MED12L: variants seen among roughly 807,000 people sequenced by gnomAD.
The protein encoded by MED12L is mediator complex subunit 12L, also known as mediator of RNA polymerase II transcription subunit 12-like protein.
A neutral mutation model predicts 281.3 loss-of-function variants in MED12L; 60 were observed. That is an observed-to-expected ratio of 0.21 (90% CI 0.17 to 0.26). MED12L has a LOEUF of 0.26. MED12L is among the 10% of genes least tolerant of loss of function. The probability of loss-of-function intolerance (pLI) is 1.00; values close to 1 mark genes in which losing one functional copy is unlikely to be tolerated. For synonymous variants in MED12L, 974 were observed against 987.2 expected, an observed-to-expected ratio of 0.99 and a Z score of 0.25; for missense variants, 2,146 against 2,680.9, an observed-to-expected ratio of 0.80 and a Z score of 4.41.
At chr3:151,231,735 A>G (rs1453281808) in intron 16 of MED12L, among the ~76,000 whole-genome samples, 1 of 152,214 alleles carries the variant, frequency 6.6e-6, no homozygotes, top group African/African-American at 2.4e-5. Context: ...AGACAGTTGT[A>G]TAACTCTGAA....
intron 16 of MED12L, among the ~76,000 whole-genome samples, chr3:151,348,298 CT>C: frequency 2.0e-5 from 3 of 148,582 alleles, no homozygotes; most frequent in Middle Eastern, 7.1e-3. Context: ...TAGTGCCCCC[CT>C]GTTTCCTTCC....
chr3:151,100,891 A>G (rs1454829887), intron 2 of MED12L, among the ~76,000 whole-genome samples: 1 of 152,224 alleles, frequency 6.6e-6, no homozygotes, highest in Admixed American at 6.5e-5. Flanking sequence ...AAGAAATAGA[A>G]GCCTCCTATC....
At chr3:151,095,727 CT>C (rs967807394) in intron 2 of MED12L, among the ~76,000 whole-genome samples, 11 of 152,046 alleles carry the variant, frequency 7.2e-5, no homozygotes, top group African/African-American at 2.2e-4. Flanking sequence ...TCACTAAAAA[CT>C]TTTTTTTCTT....
chr3:151,338,786 G>A lies in MED12L; in HGVS notation c.2251-11273G>A, dbSNP rs755282106. ...GGAAGAGGACCTGGGTGATTTTGTA[G>A]TCTCTGGTGCACAGACTGGTGTTAC... On this transcript the variant is annotated intron_variant, in intron 16 of 44. Coordinates refer to ENST00000687756, the MANE Select transcript of MED12L (RefSeq NM_001393769.1). 4.3e-6 allele frequency: 7 copies of A among 1,613,952 alleles called. No homozygotes were observed. The South Asian group carries it at 7.7e-5, about 18-fold the overall frequency.
At chr3:151,177,385 C>T (rs987115367) in intron 11 of MED12L, among the ~76,000 whole-genome samples, 10 of 152,198 alleles carry the variant, frequency 6.6e-5, no homozygotes, top group Non-Finnish European at 1.5e-4. Context: ...TTTTCTAGTT[C>T]TGTGCCCATG....
chr3:151,154,117 A>C (rs147490144), intron 5 of MED12L, among the ~76,000 whole-genome samples: 1 of 152,192 alleles, frequency 6.6e-6, no homozygotes, highest in Non-Finnish European at 1.5e-5. Flanking sequence ...TAAGGAGTAC[A>C]GTACTAGTCA....
At chr3:151,122,996 G>C (rs1713986729) in intron 4 of MED12L, 22 bp downstream of exon 4, 2 of 1,554,982 alleles carry the variant, frequency 1.3e-6, no homozygotes, top group Non-Finnish European at 1.8e-6. Flanking sequence ...TTCTTACATT[G>C]TTTTAGTTAT....
intron 16 of MED12L, among the ~76,000 whole-genome samples, chr3:151,312,517 G>C (rs1477407298): frequency 6.6e-6 from 1 of 152,056 alleles, no homozygotes; most frequent in East Asian, 1.9e-4. Context: ...TAGACTCAAG[G>C]ACTTGGAAAA....
At chr3:151,112,387 T>C (rs907396489) in intron 2 of MED12L, among the ~76,000 whole-genome samples, 13 of 152,066 alleles carry the variant, frequency 8.5e-5, no homozygotes, top group African/African-American at 3.1e-4. Flanking sequence ...TTCAAGCAAT[T>C]CTCTGCCTTC....
At chr3:151,419,841 A>G (rs983892800) in intron 43 of MED12L, among the ~76,000 whole-genome samples, 1 of 152,252 alleles carries the variant, frequency 6.6e-6, no homozygotes. Context: ...CCTATGTCAC[A>G]TGATAAAGGA....
intron 8 of MED12L, among the ~76,000 whole-genome samples, chr3:151,162,953 A>G (rs1011662378): frequency 6.6e-6 from 1 of 152,200 alleles, no homozygotes; most frequent in Non-Finnish European, 1.5e-5. Context: ...GGTTAAGGTT[A>G]TGATGACGGA....
At chr3:151,211,629 G>T (rs1462824119) in intron 16 of MED12L, among the ~76,000 whole-genome samples, 3 of 152,036 alleles carry the variant, frequency 2.0e-5, no homozygotes, top group Admixed American at 6.6e-5. Flanking sequence ...TATTGATGAG[G>T]TTATAGGACA....
chr3:151,303,558 T>C (rs1746234683), intron 16 of MED12L, among the ~76,000 whole-genome samples: 1 of 151,632 alleles, frequency 6.6e-6, no homozygotes, highest in Non-Finnish European at 1.5e-5. Context: ...AGGTCAGGAG[T>C]TTGAGACAAG....
intron 16 of MED12L, among the ~76,000 whole-genome samples, chr3:151,296,800 C>T (rs1745157558): frequency 6.6e-6 from 1 of 151,972 alleles, no homozygotes; most frequent in South Asian, 2.1e-4. Context: ...ATTTTTACTT[C>T]CCTGTAATTA....
intron 3 of MED12L, among the ~76,000 whole-genome samples, chr3:151,119,521 C>T (rs1427247026): frequency 6.6e-6 from 1 of 152,134 alleles, no homozygotes; most frequent in East Asian, 1.9e-4. Flanking sequence ...AGGGCCCAGT[C>T]CTGTCACCTT....
intron 16 of MED12L, among the ~76,000 whole-genome samples, chr3:151,343,306 A>C (rs563632804): frequency 6.6e-6 from 1 of 152,214 alleles, no homozygotes. Context: ...TACTTAAGTC[A>C]TACTACCTTA....
At chr3:151,197,069 T>C (rs1256236639) in intron 16 of MED12L, among the ~76,000 whole-genome samples, 3 of 152,252 alleles carry the variant, frequency 2.0e-5, no homozygotes. Flanking sequence ...TATTTAATGC[T>C]GTGTATTCTT....
intron 11 of MED12L, among the ~76,000 whole-genome samples, chr3:151,168,061 T>A (rs1720941332): frequency 6.6e-6 from 1 of 152,164 alleles, no homozygotes; most frequent in South Asian, 2.1e-4. Context: ...CCCATTCACC[T>A]GCAGACACTT....
In MED12L at chr3:151,203,881, A is replaced by G. The variant is rs371860762; in HGVS notation, c.2250+10215A>G. Among the ~76,000 whole-genome samples, 6 of 152,252 alleles carry G rather than the reference A, an allele frequency of 3.9e-5. No homozygotes were observed. The South Asian group carries it at 1.2e-3, about 31-fold the overall frequency. On this transcript the variant is annotated intron_variant, in intron 16 of 44. Transcript: ENST00000687756. ...GAAGAATATATTATATATTCAATTTATGAGATTAGACTTGTAATAAGTATT... is the reference window on the plus strand; with the variant it reads ...GAAGAATATATTATATATTCAATTTGTGAGATTAGACTTGTAATAAGTATT...
Sources: gnomAD v4.1 joint callset for allele counts (sites outside exome capture counted in the v4.1 genomes callset) on GRCh38, gnomAD v4.1.1 for gene constraint, MANE v1.5 for transcripts, NCBI Gene and HGNC (gene_info 2026-07-23, HGNC 2026-07-21) for gene names.